Variants in GMDS observed in about 807,000 individuals in gnomAD.
The protein encoded by GMDS is GDP-mannose 4,6-dehydratase.
Under a neutral mutation model 49.9 loss-of-function variants are expected in GMDS, and 20 were observed. The observed-to-expected ratio is 0.40, with a 90% CI of 0.28 to 0.58. GMDS has a LOEUF of 0.58. GMDS is among the 20% of genes least tolerant of loss of function. The pLI is 0.42. For synonymous variants in GMDS, 177 were observed against 178.6 expected, an observed-to-expected ratio of 0.99 and a Z score of 0.07; for missense variants, 362 against 481.4, an observed-to-expected ratio of 0.75 and a Z score of 2.32.
chr6:2,194,547 A>T (rs748556226), intron 1 of GMDS, among the ~76,000 whole-genome samples: 7 of 152,238 alleles, frequency 4.6e-5, no homozygotes, highest in Admixed American at 6.5e-5. Context: ...TACTTTATCA[A>T]TCATGTTTCA....
chr6:2,128,636 T>A (rs142173877), intron 1 of GMDS, among the ~76,000 whole-genome samples: 370 of 152,162 alleles, frequency 2.4e-3, no homozygotes, highest in African/African-American at 8.0e-3. Flanking sequence ...ATCTCCTTCC[T>A]CCCACTCCTC....
In GMDS at chr6:1,747,022, G is replaced by A. The variant is rs566488174; in HGVS notation, c.772-4436C>T. 2.0e-3 allele frequency among the ~76,000 whole-genome samples: 303 copies of A among 152,166 alleles called. 1 individual carries two copies. Among genetic ancestry groups the A allele is most frequent in the African/African-American group, 6.6e-3 (276 of 41,506 alleles). ...GCCTACAAAACTTAAATTTTAAAAT[G>A]TCAAATAAAAATACTCCTCTCTCAC... On this transcript the variant is annotated intron_variant, in intron 7 of 10. Transcript: ENST00000380815.
intron 1 of GMDS, among the ~76,000 whole-genome samples, chr6:2,213,511 T>A (rs905920800): frequency 2.0e-5 from 3 of 152,192 alleles, no homozygotes; most frequent in Non-Finnish European, 4.4e-5. Flanking sequence ...AAATACAAAT[T>A]GATTTTGTCA....
chr6:2,183,986 C>T (rs1778667852), intron 1 of GMDS, among the ~76,000 whole-genome samples: 1 of 152,108 alleles, frequency 6.6e-6, no homozygotes. Flanking sequence ...CACAACATAA[C>T]TTATATATGC....
intron 1 of GMDS, among the ~76,000 whole-genome samples, chr6:2,230,951 C>CCA (rs1554100757): frequency 1.0e-5 from 1 of 99,366 alleles, no homozygotes; most frequent in Non-Finnish European, 2.1e-5. Context: ...ACCCCCCCCC[C>CCA]CCGTTCCTTC....
chr6:1,918,855 C>T (rs555322340), intron 7 of GMDS, among the ~76,000 whole-genome samples: 18 of 149,950 alleles, frequency 1.2e-4, no homozygotes, highest in South Asian at 4.3e-4. Context: ...AACATATAGA[C>T]GTTACTTCCT....
chr6:2,137,584 T>A (rs1380676112), intron 1 of GMDS, among the ~76,000 whole-genome samples: 1 of 152,192 alleles, frequency 6.6e-6, no homozygotes, highest in Non-Finnish European at 1.5e-5. Context: ...TCCACCCACT[T>A]TGGCTTCCCA....
At chr6:1,775,410 A>G (rs185935988) in intron 7 of GMDS, among the ~76,000 whole-genome samples, 94 of 152,316 alleles carry the variant, frequency 6.2e-4, no homozygotes, top group African/African-American at 2.2e-3. Flanking sequence ...CTCTGTTGAA[A>G]AACTCTATTA....
chr6:2,170,167 C>A (rs1757102561), intron 1 of GMDS, among the ~76,000 whole-genome samples: 1 of 150,914 alleles, frequency 6.6e-6, no homozygotes, highest in Non-Finnish European at 1.5e-5. Context: ...CGTGCCATTG[C>A]ACTCCAGCCT....
intron 7 of GMDS, among the ~76,000 whole-genome samples, chr6:1,825,150 C>T (rs1169180793): frequency 6.6e-6 from 1 of 152,194 alleles, no homozygotes; most frequent in Non-Finnish European, 1.5e-5. Context: ...GAGTTGCACA[C>T]AGGACACAAT....
At chr6:2,076,319 A>C (rs183463063) in intron 4 of GMDS, among the ~76,000 whole-genome samples, 10 of 152,316 alleles carry the variant, frequency 6.6e-5, no homozygotes, top group Admixed American at 3.3e-4. Context: ...AATATCGTGA[A>C]AATGGCCATA....
chr6:1,691,308 A>G (rs147371148), intron 9 of GMDS, among the ~76,000 whole-genome samples: 1,965 of 151,908 alleles, frequency 0.013, 50 homozygotes, highest in African/African-American at 0.045. Context: ...GAGCTGAACA[A>G]TGAGAACACA....
chr6:1,992,249 G>C (rs1020632811), intron 4 of GMDS, among the ~76,000 whole-genome samples: 5 of 152,182 alleles, frequency 3.3e-5, no homozygotes, highest in Admixed American at 6.5e-5. Context: ...CCTTAACTGG[G>C]CACTCTGCGA....
At chr6:1,781,456 C>T (rs1464540139) in intron 7 of GMDS, among the ~76,000 whole-genome samples, 3 of 152,240 alleles carry the variant, frequency 2.0e-5, no homozygotes, top group African/African-American at 4.8e-5. Flanking sequence ...GCTCCTCAAG[C>T]TGACTCTGCC....
At chr6:2,179,093 A>G (rs1778408647) in intron 1 of GMDS, among the ~76,000 whole-genome samples, 1 of 152,368 alleles carries the variant, frequency 6.6e-6, no homozygotes, top group Admixed American at 6.5e-5. Flanking sequence ...ATAAATGCAA[A>G]CCACCATAGT....
At chr6:2,205,034 G>T (rs1779737010) in intron 1 of GMDS, among the ~76,000 whole-genome samples, 1 of 152,090 alleles carries the variant, frequency 6.6e-6, no homozygotes, top group African/African-American at 2.4e-5. Context: ...GTTTTACAAA[G>T]AAAAATAATT....
intron 9 of GMDS, among the ~76,000 whole-genome samples, chr6:1,697,526 G>A (rs1336180246): frequency 6.6e-6 from 1 of 152,198 alleles, no homozygotes; most frequent in African/African-American, 2.4e-5. Flanking sequence ...AGAAAACAAT[G>A]CAAAAACCTT....
At chr6:1,881,484 C>T (rs1229292730) in intron 7 of GMDS, among the ~76,000 whole-genome samples, 2 of 152,258 alleles carry the variant, frequency 1.3e-5, no homozygotes, top group Admixed American at 1.3e-4. Flanking sequence ...TTTGAACTGC[C>T]TAAAGCATGT....
chr6:2,000,508 T>G (rs1766740330), intron 4 of GMDS, among the ~76,000 whole-genome samples: 1 of 152,174 alleles, frequency 6.6e-6, no homozygotes, highest in African/African-American at 2.4e-5. Context: ...CTATTACCTA[T>G]TTTGGACATT....
Sources: gnomAD v4.1 joint callset for allele counts (sites outside exome capture counted in the v4.1 genomes callset) on GRCh38, gnomAD v4.1.1 for gene constraint, MANE v1.5 for transcripts, NCBI Gene and HGNC (gene_info 2026-07-23, HGNC 2026-07-21) for gene names.